The following NMNAT3 variants were observed in gnomAD, a reference collection of about 807,000 sequenced individuals.
The protein encoded by NMNAT3 is nicotinamide/nicotinic acid mononucleotide adenylyltransferase 3.
In NMNAT3, 21 loss-of-function variants were observed where a neutral mutation model predicts 24.8. The observed-to-expected ratio is 0.85, with a 90% confidence interval of 0.60 to 1.22. The LOEUF (loss-of-function observed/expected upper bound fraction) is 1.22. Ranked by LOEUF, NMNAT3 falls within the 50% of genes most tolerant of loss-of-function variation. The probability of loss-of-function intolerance (pLI) is 0.00; values close to 1 mark genes in which losing one functional copy is unlikely to be tolerated. For missense variants in NMNAT3, 387 were observed against 436.6 expected (o/e 0.89, Z 1.01); for synonymous variants, 136 against 155.2 (o/e 0.88, Z 0.92).
intron 5 of NMNAT3, among the ~76,000 whole-genome samples, chr3:139,578,435 G>C (rs546859775): frequency 2.0e-5 from 3 of 152,108 alleles, no homozygotes; most frequent in East Asian, 3.9e-4. Context: ...ATAACAAAAG[G>C]TCCCACCTAC....
intron 3 of NMNAT3, among the ~76,000 whole-genome samples, chr3:139,622,604 G>A (rs986178248): frequency 6.6e-6 from 1 of 150,964 alleles, no homozygotes; most frequent in Non-Finnish European, 1.5e-5. Flanking sequence ...GCATGGTGAT[G>A]CATGCCTGTA....
chr3:139,582,206 A>G (rs867452812), intron 4 of NMNAT3, among the ~76,000 whole-genome samples: 3,606 of 150,096 alleles, frequency 0.024, 142 homozygotes, highest in African/African-American at 0.082. Flanking sequence ...AAAAAAAAAA[A>G]AAAAAAAAGA....
At chr3:139,627,912 T>G in intron 2 of NMNAT3, 148 bp from the exon 4 acceptor site, 1 of 468,278 alleles carries the variant, frequency 2.1e-6, no homozygotes. Context: ...GGGTTGGCCA[T>G]GGGCCATGAA....
intron 3 of NMNAT3, among the ~76,000 whole-genome samples, chr3:139,600,567 C>T (rs2054670312): frequency 6.6e-6 from 1 of 152,158 alleles, no homozygotes; most frequent in Non-Finnish European, 1.5e-5. Flanking sequence ...CTTGGCTTCC[C>T]AAAGTGCTGG....
intron 1 of NMNAT3, among the ~76,000 whole-genome samples, chr3:139,671,549 C>T (rs1026189343): frequency 2.6e-5 from 4 of 152,056 alleles, no homozygotes; most frequent in Non-Finnish European, 5.9e-5. Context: ...CTTTTATCAT[C>T]GACGGTCCTT....
rs548363156 is a variant in NMNAT3, at chr3:139,613,506, G to A, written c.109+14110C>T. 1.2e-3 allele frequency among the ~76,000 whole-genome samples: 182 copies of A among 152,328 alleles called. 1 individual carries two copies. The highest frequency in any genetic ancestry group is 4.3e-3 in the African/African-American group (180 of 41,566). On this transcript the variant is annotated intron_variant, in intron 3 of 6. Coordinates refer to ENST00000643695, the MANE Select transcript of NMNAT3 (RefSeq NM_001320510.2). ...AACAACAGGTGCTGGAGAGGATGTG[G>A]AGAAATACGTACACTTTTACACTGT... is the stretch of plus-strand genomic sequence containing the variant.
chr3:139,648,676 A>C (rs2056952503), intron 1 of NMNAT3, among the ~76,000 whole-genome samples: 1 of 152,244 alleles, frequency 6.6e-6, no homozygotes, highest in South Asian at 2.1e-4. Flanking sequence ...AGATACCTGC[A>C]AACATATGTC....
intron 3 of NMNAT3, among the ~76,000 whole-genome samples, chr3:139,594,512 A>G (rs1166274742): frequency 2.6e-5 from 4 of 152,230 alleles, no homozygotes; most frequent in Non-Finnish European, 4.4e-5. Context: ...ACAACAAAAA[A>G]AGAGAATTTT....
In NMNAT3 at chr3:139,561,137, T is replaced by A; in HGVS notation, c.914A>T (p.Gln305Leu). 1 of 1,614,216 alleles carries A rather than the reference T, an allele frequency of 6.2e-7. No individual in the cohort carries two copies. The stretch of plus-strand genomic sequence containing the variant: ...AATCAGGTACTTTACGCTCTGCCCT[T>A]GGCCCAAGGCTCGCCTGATGTATGT... Residue 305 changes from glutamine (Q) to leucine (L), a missense_variant, in exon 7 of 7, where the codon CAA (glutamine) becomes CTA (leucine). Physicochemically the swap from Gln to Leu is moderately radical, Grantham distance 113 (BLOSUM62 -2). Transcript: ENST00000643695.
intron 1 of NMNAT3, among the ~76,000 whole-genome samples, chr3:139,662,709 C>T (rs1576779708): frequency 6.6e-6 from 1 of 152,106 alleles, no homozygotes; most frequent in Non-Finnish European, 1.5e-5. Context: ...CCAAGGGTGC[C>T]TTTGGCCACC....
intron 3 of NMNAT3, among the ~76,000 whole-genome samples, chr3:139,612,722 G>A (rs947072125): frequency 2.6e-5 from 4 of 152,152 alleles, no homozygotes; most frequent in Non-Finnish European, 5.9e-5. Context: ...GGCCTAGTAA[G>A]CACATGGTGA....
intron 1 of NMNAT3, among the ~76,000 whole-genome samples, chr3:139,661,248 C>T (rs1178881449): frequency 1.3e-5 from 2 of 152,156 alleles, no homozygotes; most frequent in Non-Finnish European, 2.9e-5. Context: ...GAGCCTGTTC[C>T]CAAGATTTGC....
intron 1 of NMNAT3, among the ~76,000 whole-genome samples, chr3:139,662,466 T>C (rs772967539): frequency 1.3e-5 from 2 of 152,166 alleles, no homozygotes; most frequent in Non-Finnish European, 2.9e-5. Flanking sequence ...AAAGTGCAGC[T>C]GCTAACACTG....
At chr3:139,563,827 T>C (rs1441439816) in intron 6 of NMNAT3, among the ~76,000 whole-genome samples, 1 of 152,206 alleles carries the variant, frequency 6.6e-6, no homozygotes. Context: ...AGTATGTAAC[T>C]CCAGGGTGTA....
At chr3:139,571,627 C>T (rs188423) in intron 6 of NMNAT3, 50,759 of 152,360 alleles carry the variant, frequency 0.33, 10,362 homozygotes, top group South Asian at 0.63. Flanking sequence ...AAGTTGGTAG[C>T]CCCTAGAAAA....
chr3:139,622,650 G>T (rs536095414), intron 3 of NMNAT3, among the ~76,000 whole-genome samples: 1 of 150,296 alleles, frequency 6.7e-6, no homozygotes, highest in African/African-American at 2.4e-5. Flanking sequence ...CAGGAGAATC[G>T]CTTGAACATG....
intron 1 of NMNAT3, among the ~76,000 whole-genome samples, chr3:139,664,589 AAGGTG>A (rs746648141): frequency 1.9e-4 from 29 of 152,356 alleles, no homozygotes; most frequent in Admixed American, 1.2e-3. Context: ...AAAGACGGAG[AAGGTG>A]AGATTCCTAG....
At chr3:139,580,597 C>A (rs534487983) in intron 4 of NMNAT3, among the ~76,000 whole-genome samples, 60 of 152,288 alleles carry the variant, frequency 3.9e-4, no homozygotes, top group African/African-American at 1.4e-3. Context: ...CGCCACCTGG[C>A]AGCCCGAATT....
intron 3 of NMNAT3, among the ~76,000 whole-genome samples, chr3:139,605,962 C>T (rs1157190472): frequency 1.3e-5 from 2 of 151,282 alleles, no homozygotes; most frequent in Non-Finnish European, 2.9e-5. Flanking sequence ...TAGATAATGA[C>T]TTCAAGAAAA....
Sources: allele counts gnomAD v4.1 joint callset (sites outside exome capture counted in the v4.1 genomes callset), GRCh38; gene constraint gnomAD v4.1.1; transcripts MANE v1.5; gene names NCBI Gene and HGNC (gene_info 2026-07-23, HGNC 2026-07-21).